CNTN5: variants seen among roughly 807,000 people sequenced by gnomAD.
The protein encoded by CNTN5 is contactin 5, also known as contactin-5.
Under a neutral mutation model 129.1 loss-of-function variants are expected in CNTN5, and 77 were observed. The observed-to-expected ratio is 0.60, with a 90% CI of 0.50 to 0.72. CNTN5 has a LOEUF of 0.72. Ranked by LOEUF, CNTN5 falls within the 30% of genes least tolerant of loss-of-function variation. The probability of loss-of-function intolerance (pLI) is 0.00; values close to 1 mark genes in which losing one functional copy is unlikely to be tolerated. For synonymous variants in CNTN5, 509 were observed against 465.6 expected (o/e 1.09, Z -1.20); for missense variants, 1,478 against 1,328.8 (o/e 1.11, Z -1.75).
intron 3 of CNTN5, among the ~76,000 whole-genome samples, chr11:99,709,857 G>A (rs1175903388): frequency 6.6e-6 from 1 of 151,756 alleles, no homozygotes; most frequent in African/African-American, 2.4e-5. Flanking sequence ...AGAGCCCTTA[G>A]GTTTAGAGTT....
intron 3 of CNTN5, among the ~76,000 whole-genome samples, chr11:99,749,869 A>G (rs1406958805): frequency 6.6e-6 from 1 of 152,214 alleles, no homozygotes; most frequent in African/African-American, 2.4e-5. Context: ...CCACATAACT[A>G]TGCTTTGGCC....
chr11:100,162,447 G>A (rs931407554), intron 13 of CNTN5, among the ~76,000 whole-genome samples: 1 of 151,810 alleles, frequency 6.6e-6, no homozygotes, highest in Admixed American at 6.6e-5. Context: ...TTCATAATTT[G>A]AAATGTTTAC....
chr11:99,031,108 C>T (rs963284126), intron 1 of CNTN5, among the ~76,000 whole-genome samples: 1 of 152,046 alleles, frequency 6.6e-6, no homozygotes, highest in Admixed American at 6.6e-5. Flanking sequence ...AATGCTAACT[C>T]TTTAAAACAA....
chr11:99,289,847 C>A (rs1331901085), intron 1 of CNTN5, among the ~76,000 whole-genome samples: 2 of 151,772 alleles, frequency 1.3e-5, no homozygotes, highest in Non-Finnish European at 3.0e-5. Context: ...TAACACTTAG[C>A]AAGACTATGA....
At chr11:99,447,547 C>A (rs1253659218) in intron 2 of CNTN5, among the ~76,000 whole-genome samples, 2 of 152,262 alleles carry the variant, frequency 1.3e-5, no homozygotes, top group East Asian at 3.9e-4. Flanking sequence ...ATGCCAGTTT[C>A]TTTATTTGTA....
chr11:99,129,770 G>A (rs1315254282), intron 1 of CNTN5, among the ~76,000 whole-genome samples: 1 of 152,160 alleles, frequency 6.6e-6, no homozygotes, highest in African/African-American at 2.4e-5. Context: ...ACTTCTGAGT[G>A]GAAAGCCTAC....
At chr11:99,077,663 C>G (rs1349694914) in intron 1 of CNTN5, among the ~76,000 whole-genome samples, 1 of 152,160 alleles carries the variant, frequency 6.6e-6, no homozygotes, top group Non-Finnish European at 1.5e-5. Flanking sequence ...CCCACAATCC[C>G]CACATTTCAA....
chr11:100,259,407 G>T (rs1164038520), intron 17 of CNTN5, among the ~76,000 whole-genome samples: 1 of 152,010 alleles, frequency 6.6e-6, no homozygotes, highest in African/African-American at 2.4e-5. Flanking sequence ...AATTAACAAG[G>T]ATATTCAGGA....
intron 3 of CNTN5, among the ~76,000 whole-genome samples, chr11:99,633,247 A>G (rs1951429585): frequency 6.6e-6 from 1 of 152,208 alleles, no homozygotes; most frequent in South Asian, 2.1e-4. Flanking sequence ...AATTTGTCAT[A>G]TCTGATGAGC....
chr11:100,082,117 T>A (rs201899033), intron 13 of CNTN5, among the ~76,000 whole-genome samples: 13,455 of 152,002 alleles, frequency 0.089, 1,216 homozygotes, highest in African/African-American at 0.23. Flanking sequence ...TACAAAAAAA[T>A]TGTGTGTGTA....
intron 3 of CNTN5, among the ~76,000 whole-genome samples, chr11:99,591,591 G>C (rs1949982544): frequency 6.6e-6 from 1 of 152,072 alleles, no homozygotes; most frequent in East Asian, 1.9e-4. Flanking sequence ...ACCCACCTCA[G>C]CCTCCCAAAG....
In CNTN5 at chr11:100,000,079, G is replaced by C. The variant is rs561181153; in HGVS notation, c.878-1955G>C. ...GCTAAATGATGAGTTAATGGGTGCA[G>C]CACACCAGCATGGCACATGTGTACA... On this transcript the variant is annotated intron_variant, in intron 8 of 24. Transcript: ENST00000524871. 5.5e-3 allele frequency among the ~76,000 whole-genome samples: 835 copies of C among 151,802 alleles called. 7 individuals are homozygous for C. Among genetic ancestry groups the C allele is most frequent in the Non-Finnish European group, 7.9e-3 (540 of 67,960 alleles).
At chr11:99,577,985 C>T (rs1450053833) in intron 3 of CNTN5, among the ~76,000 whole-genome samples, 5 of 136,372 alleles carry the variant, frequency 3.7e-5, no homozygotes, top group East Asian at 2.2e-4. Context: ...CCCCTCCCCC[C>T]ACCCCACAAC....
intron 21 of CNTN5, among the ~76,000 whole-genome samples, chr11:100,317,268 T>C (rs1012157945): frequency 6.6e-6 from 1 of 152,188 alleles, no homozygotes; most frequent in Non-Finnish European, 1.5e-5. Flanking sequence ...GGGCAGATTG[T>C]ATTTACTTTG....
At chr11:99,181,054 C>T (rs1417520192) in intron 1 of CNTN5, among the ~76,000 whole-genome samples, 1 of 152,272 alleles carries the variant, frequency 6.6e-6, no homozygotes, top group East Asian at 1.9e-4. Flanking sequence ...TAATTTGTTG[C>T]TGAAGCAGGA....
chr11:99,962,079 T>A (rs1456522898), intron 8 of CNTN5, among the ~76,000 whole-genome samples: 1 of 152,002 alleles, frequency 6.6e-6, no homozygotes, highest in Non-Finnish European at 1.5e-5. Flanking sequence ...ACAAAATTCA[T>A]ACTAAGATAA....
At chr11:99,190,770 TA>T (rs1356687533) in intron 1 of CNTN5, among the ~76,000 whole-genome samples, 2 of 151,794 alleles carry the variant, frequency 1.3e-5, no homozygotes, top group South Asian at 2.1e-4. Flanking sequence ...TTGTTACTTT[TA>T]TTTTTTTGGT....
At position 99,264,450 on chromosome 11, in the gene CNTN5, C is replaced by T. The variant is rs191661126; in HGVS notation, c.-209-60896C>T. Among the ~76,000 whole-genome samples the T allele has an allele frequency of 2.6e-5, 4 of 152,068 alleles. No homozygotes were observed. In the East Asian group the frequency reaches 5.8e-4, roughly 22 times the overall value. On this transcript the variant is annotated intron_variant, in intron 1 of 24. Coordinates refer to ENST00000524871, the MANE Select transcript of CNTN5 (RefSeq NM_014361.4). ...CATTGAGTTAAAGTCTTACCATCCTCGGATTGTGAGATGCTATATTTGGGG... is the reference window on the plus strand; with the variant it reads ...CATTGAGTTAAAGTCTTACCATCCTTGGATTGTGAGATGCTATATTTGGGG...
intron 16 of CNTN5, among the ~76,000 whole-genome samples, chr11:100,238,393 A>T (rs868186325): frequency 1.4e-5 from 2 of 144,576 alleles, no homozygotes; most frequent in Middle Eastern, 3.5e-3. Context: ...TTTTGGACTT[A>T]ATCTCCTCAC....
Sources: allele counts gnomAD v4.1 joint callset (sites outside exome capture counted in the v4.1 genomes callset), GRCh38; gene constraint gnomAD v4.1.1; transcripts MANE v1.5; gene names NCBI Gene and HGNC (gene_info 2026-07-23, HGNC 2026-07-21).